Variants in RARB observed in about 807,000 individuals in gnomAD.
RARB encodes the protein retinoic acid receptor beta.
Under a neutral mutation model 51.9 loss-of-function variants are expected in RARB, and 17 were observed. The observed-to-expected ratio is 0.33, with a 90% CI of 0.22 to 0.49. The LOEUF (loss-of-function observed/expected upper bound fraction) is 0.49. Ranked by LOEUF, RARB falls within the 20% of genes least tolerant of loss-of-function variation. The pLI, the probability that RARB is intolerant of heterozygous loss-of-function variation, is 0.99. For missense variants in RARB, 369 were observed against 550.8 expected (o/e 0.67, Z 3.30); for synonymous variants, 215 against 195.4 (o/e 1.10, Z -0.84).
At chr3:25,159,992 A>G (rs1700448051) in intron 4 of RARB, among the ~76,000 whole-genome samples, 1 of 152,208 alleles carries the variant, frequency 6.6e-6, no homozygotes, top group Non-Finnish European at 1.5e-5. Flanking sequence ...TTAAGACAGC[A>G]AAGGAAATTC....
intron 2 of RARB, among the ~76,000 whole-genome samples, chr3:25,495,462 T>C (rs1399653076): frequency 6.6e-6 from 1 of 152,228 alleles, no homozygotes; most frequent in African/African-American, 2.4e-5. Flanking sequence ...CTGTAGATAA[T>C]AGGAATGATT....
intron 3 of RARB, among the ~76,000 whole-genome samples, chr3:25,507,590 A>G (rs1431524187): frequency 6.6e-6 from 1 of 152,160 alleles, no homozygotes; most frequent in Non-Finnish European, 1.5e-5. Context: ...TTGCCAGTGA[A>G]AAAGGCTGAG....
intron 1 of RARB, among the ~76,000 whole-genome samples, chr3:24,853,866 C>T (rs1380083815): frequency 6.6e-6 from 1 of 152,128 alleles, no homozygotes; most frequent in Non-Finnish European, 1.5e-5. Flanking sequence ...ATTGGCAGCA[C>T]CTGGAAGATA....
At chr3:25,518,547 A>G (rs1466259123) in intron 3 of RARB, among the ~76,000 whole-genome samples, 4 of 152,186 alleles carry the variant, frequency 2.6e-5, no homozygotes, top group Non-Finnish European at 1.5e-5. Context: ...AAAGGCATGC[A>G]AAAGCAAGGC....
intron 4 of RARB, among the ~76,000 whole-genome samples, chr3:25,575,198 T>C (rs1353151030): frequency 6.6e-6 from 1 of 152,172 alleles, no homozygotes; most frequent in Non-Finnish European, 1.5e-5. Flanking sequence ...CCTATGAGAA[T>C]GTAATGCCGC....
At chr3:25,198,506 T>C (rs1196094868) in intron 5 of RARB, among the ~76,000 whole-genome samples, 1 of 152,000 alleles carries the variant, frequency 6.6e-6, no homozygotes, top group Non-Finnish European at 1.5e-5. Context: ...GGAGAAAATA[T>C]TTGCAAACTA....
intron 1 of RARB, among the ~76,000 whole-genome samples, chr3:24,847,509 G>T (rs1387607407): frequency 1.1e-4 from 16 of 152,198 alleles, no homozygotes; most frequent in Non-Finnish European, 8.8e-5. Context: ...CGTAAACAGT[G>T]GGAAATTGTT....
At chr3:24,997,093 C>G (rs1292435482) in intron 2 of RARB, among the ~76,000 whole-genome samples, 1 of 152,070 alleles carries the variant, frequency 6.6e-6, no homozygotes, top group Non-Finnish European at 1.5e-5. Flanking sequence ...AGGTCTATCT[C>G]TCACTTTAGA....
In RARB at chr3:25,241,491, G is replaced by A. The variant is rs562313157; in HGVS notation, c.178+66916G>A. Among the ~76,000 whole-genome samples, 9 of 152,164 alleles carry A rather than the reference G, an allele frequency of 5.9e-5. No homozygotes were observed. The East Asian group carries it at 9.7e-4, about 16-fold the overall frequency. On this transcript the variant is annotated intron_variant, in intron 5 of 11. Coordinates refer to the RARB transcript ENST00000383772. ...CCTGCCACAACCCCCGGACAGGCCC[G>A]GGTGTGATGTTCCCCTCCCTGTGCC...
At chr3:25,539,717 C>T (rs1699297413) in intron 3 of RARB, among the ~76,000 whole-genome samples, 1 of 151,692 alleles carries the variant, frequency 6.6e-6, no homozygotes, top group East Asian at 1.9e-4. Flanking sequence ...GTCCAGAGTA[C>T]AGGAAAATGA....
chr3:25,338,737 G>A (rs897772719), intron 5 of RARB, among the ~76,000 whole-genome samples: 3 of 152,106 alleles, frequency 2.0e-5, no homozygotes, highest in African/African-American at 7.2e-5. Context: ...ATTTTATACA[G>A]GAAAGGCTGA....
chr3:25,502,257 AC>A (rs144374801), intron 3 of RARB, among the ~76,000 whole-genome samples: 115 of 152,334 alleles, frequency 7.5e-4, no homozygotes, highest in Non-Finnish European at 1.5e-3. Flanking sequence ...AGAGCCAGGC[AC>A]CCCAATCATG....
Position 25,124,833 on chromosome 3 carries a change from A to G in RARB, c.-327-7328A>G, listed in dbSNP as rs1490959751. ...TAGCTGCAGCCGTGTTGTAGACACT[A>G]TACCATTGGTCACCTATTTCTATGT... On this transcript the variant is annotated intron_variant, in intron 3 of 11. Transcript: ENST00000383772. Among the ~76,000 whole-genome samples, 3 of 152,196 alleles carry G rather than the reference A, an allele frequency of 2.0e-5. No homozygotes were observed. In the East Asian group the frequency reaches 5.8e-4, roughly 29 times the overall value.
At chr3:24,901,200 G>A (rs1439121468) in intron 2 of RARB, among the ~76,000 whole-genome samples, 1 of 152,222 alleles carries the variant, frequency 6.6e-6, no homozygotes, top group Non-Finnish European at 1.5e-5. Context: ...TGATTTCAGA[G>A]ACTATGTCCT....
intron 5 of RARB, among the ~76,000 whole-genome samples, chr3:25,203,187 G>C (rs1701441919): frequency 6.6e-6 from 1 of 152,138 alleles, no homozygotes; most frequent in Non-Finnish European, 1.5e-5. Flanking sequence ...ATTATGCAAT[G>C]GCCTTCTTTG....
At chr3:25,111,616 T>C (rs1000180642) in intron 3 of RARB, among the ~76,000 whole-genome samples, 4 of 141,308 alleles carry the variant, frequency 2.8e-5, no homozygotes, top group African/African-American at 1.1e-4. Context: ...ACGGAGTCTG[T>C]CACCCAGGCT....
intron 2 of RARB, among the ~76,000 whole-genome samples, chr3:25,028,411 C>T (rs1697798965): frequency 6.6e-6 from 1 of 152,172 alleles, no homozygotes; most frequent in South Asian, 2.1e-4. Context: ...GTATCAGTGT[C>T]ACCTGGGAAC....
chr3:25,187,656 A>T (rs1701008997), intron 5 of RARB, among the ~76,000 whole-genome samples: 1 of 152,054 alleles, frequency 6.6e-6, no homozygotes. Context: ...GCAAATGAAG[A>T]TTTCATTTGT....
intron 2 of RARB, among the ~76,000 whole-genome samples, chr3:25,033,948 G>A (rs1373941959): frequency 1.3e-5 from 2 of 152,122 alleles, no homozygotes; most frequent in African/African-American, 4.8e-5. Context: ...TTAAATGTTG[G>A]TAAAATGTAT....
Sources: gnomAD v4.1 joint callset for allele counts (sites outside exome capture counted in the v4.1 genomes callset) on GRCh38, gnomAD v4.1.1 for gene constraint, MANE v1.5 for transcripts, NCBI Gene and HGNC (gene_info 2026-07-23, HGNC 2026-07-21) for gene names.